The following PCDH9 variants were observed in gnomAD, a reference collection of about 807,000 sequenced individuals.
The protein encoded by PCDH9 is protocadherin-9.
Under a neutral mutation model 70.6 loss-of-function variants are expected in PCDH9, and 24 were observed. That is an observed-to-expected ratio of 0.34 (90% confidence interval 0.25 to 0.48). The LOEUF (loss-of-function observed/expected upper bound fraction) is 0.48. Ranked by LOEUF, PCDH9 falls within the 20% of genes least tolerant of loss-of-function variation. The probability of loss-of-function intolerance (pLI) is 0.99; values close to 1 mark genes in which losing one functional copy is unlikely to be tolerated. For synonymous variants in PCDH9, 562 were observed against 558.5 expected, an observed-to-expected ratio of 1.01 and a Z score of -0.09; for missense variants, 1,281 against 1,503.6, an observed-to-expected ratio of 0.85 and a Z score of 2.45.
chr13:67,107,987 G>T (rs926549664), intron 2 of PCDH9, among the ~76,000 whole-genome samples: 4 of 152,146 alleles, frequency 2.6e-5, no homozygotes, highest in Non-Finnish European at 5.9e-5. Context: ...ATCTGGTCCA[G>T]CCACAGCCTT....
At chr13:66,848,750 A>G (rs2081256822) in intron 3 of PCDH9, among the ~76,000 whole-genome samples, 1 of 151,956 alleles carries the variant, frequency 6.6e-6, no homozygotes, top group East Asian at 1.9e-4. Context: ...AACACGGTGA[A>G]ACCCCGTCTC....
At chr13:66,566,980 T>C (rs1037706673) in intron 4 of PCDH9, among the ~76,000 whole-genome samples, 3 of 152,010 alleles carry the variant, frequency 2.0e-5, no homozygotes, top group African/African-American at 7.2e-5. Context: ...ACTAGGATCA[T>C]GTGGAAATAT....
chr13:67,216,629 C>G (rs2089607691), intron 2 of PCDH9: 1 of 136,026 alleles, frequency 7.4e-6, no homozygotes, highest in Admixed American at 8.0e-5. Flanking sequence ...CTATTTCTAG[C>G]AAGAAAGGAC....
chr13:66,918,689 T>A (rs1464046860), intron 2 of PCDH9, among the ~76,000 whole-genome samples: 1 of 151,274 alleles, frequency 6.6e-6, no homozygotes, highest in Non-Finnish European at 1.5e-5. Flanking sequence ...TTTTATATTA[T>A]TATGATAAGG....
chr13:66,698,158 A>C (rs1566512526), intron 3 of PCDH9, among the ~76,000 whole-genome samples: 1 of 152,174 alleles, frequency 6.6e-6, no homozygotes, highest in Non-Finnish European at 1.5e-5. Flanking sequence ...TAATGGGTAG[A>C]GAGTTCCAGT....
intron 3 of PCDH9, among the ~76,000 whole-genome samples, chr13:66,870,386 T>C (rs560423531): frequency 6.6e-6 from 1 of 152,126 alleles, no homozygotes; most frequent in Admixed American, 6.6e-5. Context: ...TTTTGACAAA[T>C]GGGATCTAAT....
intron 3 of PCDH9, among the ~76,000 whole-genome samples, chr13:66,865,335 T>C (rs1286655877): frequency 6.6e-6 from 1 of 152,178 alleles, no homozygotes; most frequent in East Asian, 1.9e-4. Context: ...GCCATTCAAT[T>C]CCAGGATGTT....
intron 2 of PCDH9, among the ~76,000 whole-genome samples, chr13:66,940,309 T>A (rs2082986788): frequency 6.6e-6 from 1 of 152,142 alleles, no homozygotes; most frequent in Non-Finnish European, 1.5e-5. Flanking sequence ...GTCAGCTGAG[T>A]TCTTATTCAC....
At chr13:67,031,049 T>C (rs772139209) in intron 2 of PCDH9, among the ~76,000 whole-genome samples, 1 of 152,170 alleles carries the variant, frequency 6.6e-6, no homozygotes, top group Non-Finnish European at 1.5e-5. Flanking sequence ...CCTACTAACT[T>C]TGTATTCAAA....
intron 4 of PCDH9, among the ~76,000 whole-genome samples, chr13:66,316,522 C>T (rs984224009): frequency 6.6e-6 from 1 of 152,124 alleles, no homozygotes; most frequent in Non-Finnish European, 1.5e-5. Flanking sequence ...CACTGAATTT[C>T]TTGCTGTGCC....
intron 4 of PCDH9, among the ~76,000 whole-genome samples, chr13:66,503,594 A>G (rs1377165832): frequency 1.3e-5 from 2 of 152,186 alleles, no homozygotes; most frequent in Non-Finnish European, 2.9e-5. Flanking sequence ...ATATACCAAT[A>G]ATGTCTGGGT....
intron 4 of PCDH9, among the ~76,000 whole-genome samples, chr13:66,515,310 T>C (rs1375272652): frequency 6.6e-6 from 1 of 152,048 alleles, no homozygotes; most frequent in Admixed American, 6.6e-5. Flanking sequence ...AAGTTTATTA[T>C]GCAATCAGAC....
intron 4 of PCDH9, among the ~76,000 whole-genome samples, chr13:66,319,099 T>C (rs1424563921): frequency 6.6e-6 from 1 of 152,110 alleles, no homozygotes; most frequent in African/African-American, 2.4e-5. Flanking sequence ...TTCACAATCA[T>C]GGTGGAAGGC....
At chr13:67,213,975 T>A (rs1376753861) in intron 2 of PCDH9, 1 of 152,188 alleles carries the variant, frequency 6.6e-6, no homozygotes, top group Non-Finnish European at 1.5e-5. Context: ...TCCACTACAT[T>A]CTGCTCTAAA....
At chr13:66,914,632 C>T (rs2082528148) in intron 2 of PCDH9, 1 of 151,806 alleles carries the variant, frequency 6.6e-6, no homozygotes, top group Non-Finnish European at 1.5e-5. Context: ...TGTATACTCT[C>T]CTCAAAAAGC....
chr13:67,155,091 T>C (rs1485424382), intron 2 of PCDH9, among the ~76,000 whole-genome samples: 1 of 152,190 alleles, frequency 6.6e-6, no homozygotes, highest in Non-Finnish European at 1.5e-5. Flanking sequence ...TTCAATTTTG[T>C]ATTTTGTCAT....
intron 2 of PCDH9, among the ~76,000 whole-genome samples, chr13:67,194,590 T>C (rs1471084856): frequency 6.6e-6 from 1 of 152,188 alleles, no homozygotes; most frequent in Non-Finnish European, 1.5e-5. Flanking sequence ...AAAAGTCGGA[T>C]CATGTGGTAT....
intron 2 of PCDH9, among the ~76,000 whole-genome samples, chr13:67,178,090 A>G (rs773051881): frequency 5.3e-5 from 8 of 152,076 alleles, no homozygotes; most frequent in South Asian, 2.1e-4. Flanking sequence ...GACTTTAAGT[A>G]TCTCCCAAGG....
At chr13:66,810,895 T>C (rs919507998) in intron 3 of PCDH9, among the ~76,000 whole-genome samples, 35 of 151,934 alleles carry the variant, frequency 2.3e-4, no homozygotes, top group African/African-American at 6.8e-4. Context: ...TATCTTCTTT[T>C]ATGGATGAAG....
Sources: allele counts gnomAD v4.1 joint callset (sites outside exome capture counted in the v4.1 genomes callset), GRCh38; gene constraint gnomAD v4.1.1; transcripts MANE v1.5; gene names NCBI Gene and HGNC (gene_info 2026-07-23, HGNC 2026-07-21).